Variants in NSL1 observed in about 807,000 individuals in gnomAD.
NSL1 encodes the protein kinetochore-associated protein NSL1 homolog.
In NSL1, 11 loss-of-function variants were observed where a neutral mutation model predicts 25.4. The observed-to-expected ratio is 0.43, with a 90% CI of 0.27 to 0.72. The LOEUF is 0.72. Among genes scored for constraint, NSL1 ranks in the 30% least tolerant of loss-of-function variants. NSL1 has a pLI of 0.19. For missense variants in NSL1, 330 were observed against 342.7 expected, an observed-to-expected ratio of 0.96 and a Z score of 0.29; for synonymous variants, 118 against 120.6, an observed-to-expected ratio of 0.98 and a Z score of 0.14.
At chr1:212,753,499 A>C (rs1221823914) in intron 4 of NSL1, among the ~76,000 whole-genome samples, 1 of 152,164 alleles carries the variant, frequency 6.6e-6, no homozygotes, top group Non-Finnish European at 1.5e-5. Flanking sequence ...ACACCACCCT[A>C]AAGCACTGAT....
At chr1:212,787,414 T>A in intron 2 of NSL1, 145 bp downstream of exon 2, 1 of 541,016 alleles carries the variant, frequency 1.8e-6, no homozygotes, top group South Asian at 2.8e-5. Flanking sequence ...ATTGAAGTCA[T>A]AATCTCAGTT....
At chr1:212,755,961 T>C (rs750244037) in intron 4 of NSL1, among the ~76,000 whole-genome samples, 5 of 152,144 alleles carry the variant, frequency 3.3e-5, no homozygotes, top group Non-Finnish European at 7.4e-5. Context: ...TTCTGTAAAT[T>C]ATGCCCCCAA....
At chr1:212,753,195 T>C (rs1040202061) in intron 4 of NSL1, among the ~76,000 whole-genome samples, 1 of 152,186 alleles carries the variant, frequency 6.6e-6, no homozygotes, top group Non-Finnish European at 1.5e-5. Context: ...CCTCACCACC[T>C]CCTTCAGTAC....
chr1:212,729,241 T>C lies in NSL1; in HGVS notation c.*9167A>G. The C allele has an allele frequency of 1.0e-6, 1 of 985,446 alleles. No homozygotes were observed. Among genetic ancestry groups the C allele is most frequent in the African/African-American group, 1.7e-5 (1 of 57,362 alleles). 61.0% of individuals were successfully genotyped at this position (985,446 alleles called of 1,614,324 possible). Reference sequence around the variant, plus strand: ...TCCCTCTAGGAGCAGAAGTGCAGGTTTGCTTGGGCTCCTAGCCTCTCCCTC... The same window carrying C: ...TCCCTCTAGGAGCAGAAGTGCAGGTCTGCTTGGGCTCCTAGCCTCTCCCTC... On this transcript the variant is annotated 3_prime_UTR_variant, in exon 6 of 6. Coordinates refer to ENST00000366977, the MANE Select transcript of NSL1 (RefSeq NM_015471.4).
rs751089737 is a variant in NSL1, at chr1:212,739,594, A to G, written c.507T>C (p.His169=). Residue 169 remains histidine (H), a synonymous_variant, in exon 5 of 6, where the codon CAT becomes CAC. Transcript: ENST00000366977. ...CCCCTCTGCATTTCAAATTTTCCAT[A>G]TGAGGGGCTGCAAAAACATTGCCAA... is the stretch of plus-strand genomic sequence containing the variant. ...DLKYDPDPAP[H]MENLKCRGET... 1.1e-5 allele frequency: 18 copies of G among 1,613,356 alleles called. No individual in the cohort carries two copies. The South Asian group carries it at 2.0e-4, about 18-fold the overall frequency.
intron 4 of NSL1, among the ~76,000 whole-genome samples, chr1:212,752,799 G>A (rs529707154): frequency 6.6e-6 from 1 of 151,444 alleles, no homozygotes; most frequent in East Asian, 1.9e-4. Context: ...GAAAGATTGA[G>A]TAATCAACCT....
chr1:212,790,028 T>A (rs980276494), intron 1 of NSL1, among the ~76,000 whole-genome samples: 1 of 152,104 alleles, frequency 6.6e-6, no homozygotes, highest in African/African-American at 2.4e-5. Flanking sequence ...AACCTTTTTT[T>A]TTTGAGATGG....
intron 1 of NSL1, among the ~76,000 whole-genome samples, chr1:212,789,205 G>C: frequency 6.9e-6 from 1 of 145,032 alleles, no homozygotes; most frequent in African/African-American, 2.4e-5. Flanking sequence ...TTTATTTTTT[G>C]TTTGTTTGTT....
rs530606127 is a variant in NSL1, at chr1:212,782,897, G to T, written c.445-471C>A. Among the ~76,000 whole-genome samples, 5 of 152,264 alleles carry T rather than the reference G, an allele frequency of 3.3e-5. No individual in the cohort carries two copies. In the South Asian group the frequency reaches 1.0e-3, roughly 32 times the overall value. On this transcript the variant is annotated intron_variant, in intron 3 of 5. Coordinates refer to ENST00000366977, the MANE Select transcript of NSL1 (RefSeq NM_015471.4). ...GCGACACACTGAAATTATAGTAGCA[G>T]AATTACTGGCACAGAATCTACAATG...
chr1:212,757,213 T>C (rs756556571), intron 4 of NSL1, among the ~76,000 whole-genome samples: 1 of 152,022 alleles, frequency 6.6e-6, no homozygotes, highest in Non-Finnish European at 1.5e-5. Context: ...GAGGGTGAGA[T>C]GGTAAGTGAA....
intron 4 of NSL1, among the ~76,000 whole-genome samples, chr1:212,759,189 A>G (rs534931179): frequency 3.5e-4 from 53 of 152,336 alleles, no homozygotes; most frequent in African/African-American, 1.2e-3. Flanking sequence ...GGAAAAAAAA[A>G]TAGGTAAATT....
At chr1:212,789,918 T>A (rs7552880) in intron 1 of NSL1, among the ~76,000 whole-genome samples, 27,236 of 152,178 alleles carry the variant, frequency 0.18, 2,765 homozygotes, top group African/African-American at 0.28. Context: ...TATATCCCTA[T>A]TCTTGCCTTG....
In NSL1 at chr1:212,726,289, T is replaced by A. The variant is rs1657782156; in HGVS notation, c.*12119A>T. The A allele has an allele frequency of 6.6e-6, 1 of 151,900 alleles. No homozygotes were observed. The highest frequency in any genetic ancestry group is 1.5e-5 in the Non-Finnish European group (1 of 67,960). The allele number at this position is 151,900 out of a possible 1,614,324, so 9.4% of individuals were successfully genotyped here. A position where few individuals can be genotyped will look rare whatever the true frequency, so the allele number is the denominator to read the frequency against. Reference sequence around the variant, plus strand: ...TGGAAGAAAATGAAAGGATCAGATGTCCCCCATAAACAACTACTCTACTCA... The same window carrying A: ...TGGAAGAAAATGAAAGGATCAGATGACCCCCATAAACAACTACTCTACTCA... On this transcript the variant is annotated 3_prime_UTR_variant, in exon 6 of 6. Coordinates refer to ENST00000366977, the MANE Select transcript of NSL1 (RefSeq NM_015471.4).
chr1:212,786,060 C>G (rs1314195880), intron 2 of NSL1, among the ~76,000 whole-genome samples: 1 of 151,740 alleles, frequency 6.6e-6, no homozygotes, highest in South Asian at 2.1e-4. Context: ...CCCTTTCCTT[C>G]CCATTCATTC....
chr1:212,762,244 G>A (rs1029957005), intron 4 of NSL1, among the ~76,000 whole-genome samples: 50 of 142,770 alleles, frequency 3.5e-4, no homozygotes, highest in African/African-American at 1.0e-3. Flanking sequence ...GTTGCGGTGC[G>A]CCAAGATCGC....
intron 4 of NSL1, among the ~76,000 whole-genome samples, chr1:212,754,989 A>G (rs1659239235): frequency 6.6e-6 from 1 of 152,176 alleles, no homozygotes; most frequent in African/African-American, 2.4e-5. Flanking sequence ...ATGGAAGGCA[A>G]CCAAACCTAC....
chr1:212,787,877 T>C (rs1661009258), intron 1 of NSL1, among the ~76,000 whole-genome samples: 1 of 152,038 alleles, frequency 6.6e-6, no homozygotes, highest in Non-Finnish European at 1.5e-5. Context: ...TTTGGAATAT[T>C]CTTATAAACA....
Position 212,738,518 on chromosome 1 carries a change from T to C in NSL1, c.736A>G (p.Thr246Ala). 1 of 1,614,172 alleles carries C rather than the reference T, an allele frequency of 6.2e-7. No homozygotes were observed. Among genetic ancestry groups the C allele is most frequent in the South Asian group, 1.1e-5 (1 of 91,082 alleles). ...ITQIETTPTE[T>A]ASRKTSDMVL... Reference sequence around the variant, plus strand: ...ATGTCAGAGGTTTTCCTGGAAGCAGTCTCTGTTGGTGTGGTTTCTATCTGT... The same window carrying C: ...ATGTCAGAGGTTTTCCTGGAAGCAGCCTCTGTTGGTGTGGTTTCTATCTGT... Residue 246 changes from threonine to alanine, a missense_variant, in exon 6 of 6, where the codon ACT becomes GCT. Physicochemically the swap from Thr to Ala is moderately conservative, Grantham distance 58 (BLOSUM62 0). Coordinates refer to ENST00000366977, the MANE Select transcript of NSL1 (RefSeq NM_015471.4).
At chr1:212,787,132 C>T (rs1048951169) in intron 2 of NSL1, among the ~76,000 whole-genome samples, 2 of 149,460 alleles carry the variant, frequency 1.3e-5, no homozygotes, top group Non-Finnish European at 3.0e-5. Flanking sequence ...CATTGCACTC[C>T]AGCTTGGGTG....
Sources: allele counts gnomAD v4.1 joint callset (sites outside exome capture counted in the v4.1 genomes callset), GRCh38; gene constraint gnomAD v4.1.1; transcripts MANE v1.5; gene names NCBI Gene and HGNC (gene_info 2026-07-23, HGNC 2026-07-21).